The following EBF2 variants were observed in gnomAD, a reference collection of about 807,000 sequenced individuals.
The protein encoded by EBF2 is transcription factor COE2.
EBF2 carries 21 observed loss-of-function variants against 72.8 expected under a neutral mutation model. The observed-to-expected ratio is 0.29, with a 90% CI of 0.20 to 0.42. The LOEUF (loss-of-function observed/expected upper bound fraction) is 0.42, where lower values mean the gene tolerates loss of function less well. EBF2 is among the 10% of genes least tolerant of loss of function. The pLI, the probability that EBF2 is intolerant of heterozygous loss-of-function variation, is 1.00. For synonymous variants in EBF2, 299 were observed against 274.2 expected, an observed-to-expected ratio of 1.09 and a Z score of -0.89; for missense variants, 637 against 731.2, an observed-to-expected ratio of 0.87 and a Z score of 1.49.
intron 11 of EBF2, among the ~76,000 whole-genome samples, chr8:25,861,641 T>C (rs1395628406): frequency 3.9e-5 from 6 of 152,198 alleles, no homozygotes; most frequent in Non-Finnish European, 8.8e-5. Flanking sequence ...ATTGAGAGTA[T>C]AGTTTATTAA....
chr8:25,973,876 A>G (rs1038018700), intron 6 of EBF2, among the ~76,000 whole-genome samples: 2 of 152,006 alleles, frequency 1.3e-5, no homozygotes, highest in Non-Finnish European at 2.9e-5. Context: ...GGGTCTCACT[A>G]TGTTGCCCAG....
chr8:25,954,170 T>A (rs1803906019), intron 6 of EBF2, among the ~76,000 whole-genome samples: 1 of 152,188 alleles, frequency 6.6e-6, no homozygotes. Context: ...TAAGGGTATG[T>A]GTGGGAGAGA....
At position 25,861,130 on chromosome 8, in the gene EBF2, G is replaced by A; in HGVS notation, c.1261C>T (p.His421Tyr). 6.2e-7 allele frequency: 1 copy of A among 1,614,164 alleles called. No homozygotes were observed. Among genetic ancestry groups the A allele is most frequent in the Non-Finnish European group, 8.5e-7 (1 of 1,180,028 alleles). ...QLPALSSSPA[H>Y]SGMMGINSYG... ...GAGTTGATTCCCATCATGCCACTGT[G>A]CGCTGGGGAGCTAGAGAGGGCTGGA... Residue 421 changes from histidine to tyrosine, a missense_variant, in exon 13 of 16, where the codon CAC becomes TAC. This residue lies in a region of EBF2 where 259 missense variants were observed against 268.1 expected (regional missense o/e 0.97). Transcript: ENST00000520164.
intron 6 of EBF2, among the ~76,000 whole-genome samples, chr8:25,987,545 T>C (rs958691243): frequency 2.0e-5 from 3 of 152,222 alleles, no homozygotes; most frequent in Non-Finnish European, 4.4e-5. Flanking sequence ...AGAACTTCTA[T>C]GAGTGGCATC....
At chr8:25,953,483 T>C (rs1803895788) in intron 6 of EBF2, among the ~76,000 whole-genome samples, 1 of 152,234 alleles carries the variant, frequency 6.6e-6, no homozygotes, top group Admixed American at 6.5e-5. Context: ...GAGTGGTTGA[T>C]TCCTGGCTTC....
At chr8:25,989,400 C>T (rs1018111067) in intron 6 of EBF2, among the ~76,000 whole-genome samples, 2 of 152,080 alleles carry the variant, frequency 1.3e-5, no homozygotes, top group Admixed American at 6.6e-5. Context: ...AGATCTGTGT[C>T]GTAGTAAACT....
chr8:26,021,800 G>A (rs1805206599), intron 6 of EBF2, among the ~76,000 whole-genome samples: 1 of 152,198 alleles, frequency 6.6e-6, no homozygotes, highest in Non-Finnish European at 1.5e-5. Context: ...AGAATTGAAT[G>A]AATGGATGAA....
chr8:25,888,595 C>A (rs1802729888), intron 8 of EBF2, among the ~76,000 whole-genome samples: 1 of 152,116 alleles, frequency 6.6e-6, no homozygotes, highest in Non-Finnish European at 1.5e-5. Flanking sequence ...GGGGAGAAAG[C>A]AAAATCTATC....
chr8:25,918,606 C>T (rs1198772829), intron 6 of EBF2, among the ~76,000 whole-genome samples: 1 of 151,952 alleles, frequency 6.6e-6, no homozygotes. Context: ...CATTCACTTC[C>T]TTCTATAAAC....
chr8:25,885,993 A>G (rs1442110125), intron 10 of EBF2, among the ~76,000 whole-genome samples: 4 of 152,090 alleles, frequency 2.6e-5, no homozygotes, highest in Non-Finnish European at 5.9e-5. Flanking sequence ...GCCTTTGCCT[A>G]TGGGATTCCC....
At chr8:25,845,249 G>A in intron 15 of EBF2, among the ~76,000 whole-genome samples, 1 of 151,974 alleles carries the variant, frequency 6.6e-6, no homozygotes, top group African/African-American at 2.4e-5. Context: ...ACTCTTCTTT[G>A]TTGAGGTGGA....
intron 6 of EBF2, among the ~76,000 whole-genome samples, chr8:25,999,111 T>C (rs1390007334): frequency 6.6e-6 from 1 of 152,182 alleles, no homozygotes; most frequent in Non-Finnish European, 1.5e-5. Context: ...TCCCTCTTAG[T>C]TATAAACAAG....
intron 6 of EBF2, among the ~76,000 whole-genome samples, chr8:25,963,814 A>C (rs1279538659): frequency 6.6e-6 from 1 of 152,224 alleles, no homozygotes; most frequent in Non-Finnish European, 1.5e-5. Flanking sequence ...TAGCTAATTA[A>C]GCAAGAAGCA....
At chr8:26,025,341 C>T (rs1805286085) in intron 6 of EBF2, among the ~76,000 whole-genome samples, 1 of 152,102 alleles carries the variant, frequency 6.6e-6, no homozygotes, top group Non-Finnish European at 1.5e-5. Context: ...GAGCGGGAAC[C>T]ATGCCTATTG....
chr8:25,849,240 T>C (rs1801907898), intron 15 of EBF2, among the ~76,000 whole-genome samples: 1 of 152,238 alleles, frequency 6.6e-6, no homozygotes. Context: ...TTTTCCATTC[T>C]GGTTTTGACA....
intron 10 of EBF2, 60 bp downstream of exon 10, chr8:25,886,695 G>A: frequency 6.5e-7 from 1 of 1,538,236 alleles, no homozygotes; most frequent in Admixed American, 1.9e-5. Flanking sequence ...TGCAGATACT[G>A]GGAACTAGCG....
chr8:26,040,866 T>C, intron 3 of EBF2, 73 bp downstream of exon 3: 12 of 1,598,650 alleles, frequency 7.5e-6, no homozygotes, highest in Middle Eastern at 1.8e-4. Context: ...AGAGTGATCA[T>C]GGCAAGGTCA....
chr8:25,922,255 A>C (rs73677432), intron 6 of EBF2, among the ~76,000 whole-genome samples: 28,749 of 151,966 alleles, frequency 0.19, 5,416 homozygotes, highest in African/African-American at 0.49. Context: ...TTGCTTAAAA[A>C]AAAAAAACAA....
chr8:26,001,997 G>A (rs1213249191), intron 6 of EBF2, among the ~76,000 whole-genome samples: 3 of 152,158 alleles, frequency 2.0e-5, no homozygotes. Context: ...AACTCACTAG[G>A]ATTGTGATGA....
Sources: gnomAD v4.1 joint callset for allele counts (sites outside exome capture counted in the v4.1 genomes callset) on GRCh38, gnomAD v4.1.1 for gene constraint, gnomAD v4.1.1 regional missense constraint, MANE v1.5 for transcripts, NCBI Gene and HGNC (gene_info 2026-07-23, HGNC 2026-07-21) for gene names.